UACA: variants seen among roughly 807,000 people sequenced by gnomAD.
UACA encodes uveal autoantigen with coiled-coil domains and ankyrin repeats.
A neutral mutation model predicts 160.5 loss-of-function variants in UACA; 112 were observed. That is an observed-to-expected ratio of 0.70 (90% CI 0.60 to 0.82). The LOEUF (loss-of-function observed/expected upper bound fraction) is 0.82, where lower values mean the gene tolerates loss of function less well. UACA is among the 40% of genes least tolerant of loss of function. The pLI is 0.00. For missense variants in UACA, 1,574 were observed against 1,614.6 expected, an observed-to-expected ratio of 0.97 and a Z score of 0.43; for synonymous variants, 557 against 568.4, an observed-to-expected ratio of 0.98 and a Z score of 0.29.
At chr15:70,672,931 C>T (rs1412677718) in intron 13 of UACA, among the ~76,000 whole-genome samples, 2 of 152,000 alleles carry the variant, frequency 1.3e-5, no homozygotes, top group East Asian at 1.9e-4. Flanking sequence ...CCCGTCTCTA[C>T]TAAAAATACA....
intron 18 of UACA, among the ~76,000 whole-genome samples, 177 bp from the exon 19 acceptor site, chr15:70,657,304 T>G (rs1896510022): frequency 6.6e-6 from 1 of 151,800 alleles, no homozygotes; most frequent in South Asian, 2.1e-4. Flanking sequence ...ATCATGAAAA[T>G]AAGATCAATT....
intron 17 of UACA, 71 bp from the exon 18 acceptor site, chr15:70,660,287 G>C: frequency 2.3e-6 from 3 of 1,277,812 alleles, no homozygotes; most frequent in Non-Finnish European, 3.4e-6. Flanking sequence ...CAATGCTCAG[G>C]CTTCATGCTA....
chr15:70,676,453 C>T, intron 13 of UACA, 40 bp downstream of exon 13: 1 of 1,329,990 alleles, frequency 7.5e-7, no homozygotes, highest in Non-Finnish European at 1.1e-6. Context: ...CTTACCATTA[C>T]CCATTATGAA....
chr15:70,709,123 G>A (rs1035558225), intron 1 of UACA, among the ~76,000 whole-genome samples: 25 of 152,102 alleles, frequency 1.6e-4, no homozygotes, highest in Non-Finnish European at 2.9e-4. Context: ...ATCTTGGTGA[G>A]TCCACAGTCA....
chr15:70,668,598 G>A lies in UACA; in HGVS notation c.2086C>T (p.Gln696Ter). 1 of 1,613,642 alleles carries A rather than the reference G, an allele frequency of 6.2e-7. No individual in the cohort carries two copies. Among genetic ancestry groups the A allele is most frequent in the Non-Finnish European group, 8.5e-7 (1 of 1,179,970 alleles). ...TTCTTCCCAAGTTCTCCTGATTTCT[G>A]TTCTAATCTGCTCTTAACCTGTTCA... The part of the protein sequence containing the change: ...EHEQVKSRLE[Q>*]KSGELGKKIT... Residue 696 changes from glutamine to a stop codon, truncating the protein, a stop_gained, in exon 16 of 19, where the codon CAG becomes TAG. Coordinates refer to ENST00000322954, the MANE Select transcript of UACA (RefSeq NM_018003.4). LOFTEE classifies it high-confidence loss of function.
intron 1 of UACA, among the ~76,000 whole-genome samples, chr15:70,707,858 T>C (rs1898565644): frequency 6.6e-6 from 1 of 152,186 alleles, no homozygotes; most frequent in South Asian, 2.1e-4. Flanking sequence ...ATGGAACACA[T>C]ATGGTGATTC....
At chr15:70,757,199 T>G (rs926601554) in intron 1 of UACA, among the ~76,000 whole-genome samples, 1 of 152,218 alleles carries the variant, frequency 6.6e-6, no homozygotes, top group African/African-American at 2.4e-5. Flanking sequence ...ATTTTGCTGA[T>G]TGCATCCCTA....
chr15:70,717,453 C>T (rs1397948633), intron 1 of UACA, among the ~76,000 whole-genome samples: 1 of 152,156 alleles, frequency 6.6e-6, no homozygotes, highest in African/African-American at 2.4e-5. Flanking sequence ...TCAACTCTGC[C>T]ACTGTAAACT....
chr15:70,680,203 T>C (rs1897448217), intron 9 of UACA, among the ~76,000 whole-genome samples: 1 of 152,190 alleles, frequency 6.6e-6, no homozygotes, highest in Non-Finnish European at 1.5e-5. Flanking sequence ...TTTAAATAAC[T>C]TGGTTGGGTG....
Position 70,679,853 on chromosome 15 carries a change from C to T in UACA, c.823-177G>A, listed in dbSNP as rs17701350. On this transcript the variant is annotated intron_variant, in intron 9 of 18. Coordinates refer to ENST00000322954, the MANE Select transcript of UACA (RefSeq NM_018003.4). Reference sequence around the variant, plus strand: ...TCCAAAATGGAAAGGACCTTTAAGACTATGTTTTAAATAAATCAAGTATAA... The same window carrying T: ...TCCAAAATGGAAAGGACCTTTAAGATTATGTTTTAAATAAATCAAGTATAA... The T allele has an allele frequency of 8.0e-3, 2,982 of 372,476 alleles. 18 individuals are homozygous for T. Among genetic ancestry groups the T allele is most frequent in the Non-Finnish European group, 0.011 (2,326 of 209,654 alleles). 23.1% of individuals were successfully genotyped at this position (372,476 alleles called of 1,614,324 possible). A position where few individuals can be genotyped will look rare whatever the true frequency, so the allele number is the denominator to read the frequency against.
chr15:70,718,497 T>TACAGCC (rs1275026915), intron 1 of UACA, among the ~76,000 whole-genome samples: 3 of 152,044 alleles, frequency 2.0e-5, no homozygotes. Context: ...CAATCTGAGT[T>TACAGCC]ACAGCCAGCC....
At chr15:70,721,187 T>C (rs1388776993) in intron 1 of UACA, among the ~76,000 whole-genome samples, 1 of 152,150 alleles carries the variant, frequency 6.6e-6, no homozygotes, top group African/African-American at 2.4e-5. Context: ...ATGCCTTAGG[T>C]GGCAAAATGA....
At chr15:70,772,220 G>A in the UACA span, among the ~76,000 whole-genome samples, 5 of 152,202 alleles carry the variant, frequency 3.3e-5, no homozygotes, top group Admixed American at 6.5e-5. Context: ...AATCTAGGGC[G>A]CGGTGGCTCA....
chr15:70,751,907 G>C (rs1248725422), intron 1 of UACA, among the ~76,000 whole-genome samples: 1 of 151,962 alleles, frequency 6.6e-6, no homozygotes, highest in Non-Finnish European at 1.5e-5. Context: ...AAAAAACAAA[G>C]AGAAGAATCA....
intron 1 of UACA, chr15:70,749,284 T>C (rs1191621778): frequency 2.5e-6 from 1 of 397,408 alleles, no homozygotes; most frequent in East Asian, 8.7e-5. Context: ...CCCAGCACTT[T>C]GGGAGGCCGA....
At chr15:70,745,631 C>CA (rs1175300110) in intron 1 of UACA, among the ~76,000 whole-genome samples, 1 of 151,924 alleles carries the variant, frequency 6.6e-6, no homozygotes, top group Non-Finnish European at 1.5e-5. Flanking sequence ...CATATGGAAC[C>CA]AAAAAAGAGC....
chr15:70,770,385 G>C, the UACA span, among the ~76,000 whole-genome samples: 2 of 152,184 alleles, frequency 1.3e-5, no homozygotes, highest in African/African-American at 4.8e-5. Context: ...AAAGAGATTT[G>C]TCCACTCTTA....
chr15:70,767,864 G>A (rs548906915), upstream of UACA: 1 of 152,192 alleles, frequency 6.6e-6, no homozygotes, highest in Non-Finnish European at 1.5e-5. Flanking sequence ...ACAGAGTCAT[G>A]AGGAAAGGCA....
rs767328670 is a variant in UACA, at chr15:70,679,664, G to A, written c.835C>T (p.His279Tyr). ...GPSLQQRNLT[H>Y]MQDEVNVKSH... is the part of the protein sequence containing the mutation. ...TTCACATTTACTTCATCTTGCATGT[G>A]TGTCAAATTTCGCTTTGGTAAAACA... is the stretch of plus-strand genomic sequence containing the variant. The change falls in exon 10 of 19, where the codon CAC becomes TAC. Residue 279 changes from histidine (H) to tyrosine (Y), a missense_variant. Coordinates refer to ENST00000322954, the MANE Select transcript of UACA (RefSeq NM_018003.4). The A allele has an allele frequency of 2.5e-6, 4 of 1,588,104 alleles. No homozygotes were observed. The South Asian group carries it at 3.4e-5, about 14-fold the overall frequency.
Sources: allele counts gnomAD v4.1 joint callset (sites outside exome capture counted in the v4.1 genomes callset), GRCh38; gene constraint gnomAD v4.1.1; transcripts MANE v1.5; gene names NCBI Gene and HGNC (gene_info 2026-07-23, HGNC 2026-07-21).